Variants in GABRA4 observed in about 807,000 individuals in gnomAD.
GABRA4 encodes the protein gamma-aminobutyric acid type A receptor subunit alpha4, also known as gamma-aminobutyric acid receptor subunit alpha-4.
Under a neutral mutation model 49.7 loss-of-function variants are expected in GABRA4, and 12 were observed. The ratio of observed to expected loss-of-function variants is 0.24; its 90% confidence interval spans 0.15 to 0.39. The LOEUF (loss-of-function observed/expected upper bound fraction) is 0.39. Among genes scored for constraint, GABRA4 ranks in the 10% least tolerant of loss-of-function variants. GABRA4 has a pLI of 1.00. For missense variants in GABRA4, 506 were observed against 686.0 expected (o/e 0.74, Z 2.93); for synonymous variants, 288 against 240.2 (o/e 1.20, Z -1.84).
intron 8 of GABRA4, among the ~76,000 whole-genome samples, chr4:46,936,546 G>A (rs1306886105): frequency 6.6e-6 from 1 of 152,110 alleles, no homozygotes; most frequent in African/African-American, 2.4e-5. Flanking sequence ...CACAGCACCT[G>A]GCCAGATCAC....
intron 8 of GABRA4, among the ~76,000 whole-genome samples, chr4:46,955,275 C>T (rs1048190364): frequency 2.0e-5 from 3 of 152,046 alleles, no homozygotes; most frequent in Non-Finnish European, 4.4e-5. Context: ...ATATACATAG[C>T]CTTCTTAATG....
chr4:46,972,539 A>G (rs914313272), intron 6 of GABRA4, among the ~76,000 whole-genome samples: 1 of 151,542 alleles, frequency 6.6e-6, no homozygotes, highest in African/African-American at 2.4e-5. Context: ...TATCACCACA[A>G]TCTATGCCAC....
intron 3 of GABRA4, among the ~76,000 whole-genome samples, chr4:46,978,327 A>G (rs2109394525): frequency 6.6e-6 from 1 of 152,164 alleles, no homozygotes; most frequent in Admixed American, 6.6e-5. Flanking sequence ...ACTATAAAAT[A>G]GTGTACACGA....
rs1553903651 is a variant in GABRA4, at chr4:46,950,745, A to AATTAATTAATT, written c.1134+14224_1134+14225insAATTAATTAAT. ...TAAATAAATAAATAAATAAATAAATAAATTACTATATGCTTGTCCAGCTCT... is the reference window on the plus strand; with the variant it reads ...TAAATAAATAAATAAATAAATAAATAATTAATTAATTAATTACTATATGCTTGTCCAGCTCT... On this transcript the variant is annotated intron_variant, in intron 8 of 8. Coordinates refer to ENST00000264318, the MANE Select transcript of GABRA4 (RefSeq NM_000809.4). 3.2e-3 allele frequency among the ~76,000 whole-genome samples: 484 copies of AATTAATTAATT among 151,216 alleles called. 3 individuals carry two copies. Among genetic ancestry groups the AATTAATTAATT allele is most frequent in the South Asian group, 0.01 (48 of 4,790 alleles).
At chr4:46,941,805 C>T (rs1721807224) in intron 8 of GABRA4, among the ~76,000 whole-genome samples, 1 of 152,026 alleles carries the variant, frequency 6.6e-6, no homozygotes, top group Non-Finnish European at 1.5e-5. Context: ...TACCATCTTG[C>T]CCAGATCTGC....
At chr4:46,933,262 A>C (rs916186051) in intron 8 of GABRA4, among the ~76,000 whole-genome samples, 10 of 152,202 alleles carry the variant, frequency 6.6e-5, no homozygotes, top group Admixed American at 6.5e-4. Flanking sequence ...AATTGCATTA[A>C]AATGGATATC....
At chr4:46,975,579 G>A (rs778078569) in intron 5 of GABRA4, among the ~76,000 whole-genome samples, 7 of 151,832 alleles carry the variant, frequency 4.6e-5, no homozygotes, top group Non-Finnish European at 1.0e-4. Flanking sequence ...CTTACCTGCT[G>A]AGTATGGTGT....
chr4:46,993,111 G>A (rs1047240102), intron 1 of GABRA4, among the ~76,000 whole-genome samples, 165 bp from the exon 2 acceptor site: 3 of 152,154 alleles, frequency 2.0e-5, no homozygotes, highest in Non-Finnish European at 4.4e-5. Context: ...GTCAGGAAAA[G>A]CGCGCCCCGC....
chr4:46,991,360 TC>T (rs1363989711), intron 2 of GABRA4, among the ~76,000 whole-genome samples: 1 of 152,142 alleles, frequency 6.6e-6, no homozygotes, highest in East Asian at 1.9e-4. Context: ...AACCTCAGTG[TC>T]CCCATCTGTT....
intron 2 of GABRA4, among the ~76,000 whole-genome samples, chr4:46,982,397 A>G (rs1021569408): frequency 2.0e-5 from 3 of 152,106 alleles, no homozygotes; most frequent in Non-Finnish European, 4.4e-5. Context: ...ACACACACAC[A>G]TAGCAGAGAC....
chr4:46,974,184 A>T lies in GABRA4; in HGVS notation c.721+48T>A, dbSNP rs1269106495. ...AATGAAAAAGTCAGGAGAAAACTTT[A>T]TTGCTAACACCAAGTAGCATGTCGG... On this transcript the variant is annotated intron_variant, in intron 6 of 8. Coordinates refer to ENST00000264318, the MANE Select transcript of GABRA4 (RefSeq NM_000809.4). 2.6e-6 allele frequency: 4 copies of T among 1,542,362 alleles called. No homozygotes were observed. The East Asian group carries it at 6.9e-5, about 27-fold the overall frequency.
chr4:46,921,191 A>G lies in GABRA4; in HGVS notation c.*7034T>C, dbSNP rs761739346. 6.6e-6 allele frequency: 1 copy of G among 151,798 alleles called. No homozygotes were observed. The highest frequency in any genetic ancestry group is 1.5e-5 in the Non-Finnish European group (1 of 67,838). 9.4% of individuals were successfully genotyped at this position (151,798 alleles called of 1,614,324 possible). ...AGAAAAGCTATTAAGAAACCATAGC[A>G]TTTAAAAATTTTCCATTAAATGTAT... is the stretch of plus-strand genomic sequence containing the variant. On this transcript the variant is annotated 3_prime_UTR_variant, in exon 9 of 9. Transcript: ENST00000264318.
intron 7 of GABRA4, among the ~76,000 whole-genome samples, chr4:46,966,774 G>A (rs1468345426): frequency 6.6e-6 from 1 of 151,782 alleles, no homozygotes; most frequent in South Asian, 2.1e-4. Context: ...AAAGATCTGA[G>A]AATCCATACA....
intron 8 of GABRA4, among the ~76,000 whole-genome samples, chr4:46,953,971 G>A (rs1239986596): frequency 2.6e-5 from 4 of 152,042 alleles, no homozygotes; most frequent in Non-Finnish European, 4.4e-5. Flanking sequence ...TTACTTAACA[G>A]CTATGTAATT....
chr4:46,943,090 G>C (rs1184045973), intron 8 of GABRA4, among the ~76,000 whole-genome samples: 1 of 152,120 alleles, frequency 6.6e-6, no homozygotes, highest in Middle Eastern at 3.2e-3. Flanking sequence ...TAATAGGAGA[G>C]TAGAGACCAG....
rs748618274 is a variant in GABRA4 at position 46,921,776 on chromosome 4, A to G, written c.*6449T>C. 5.3e-5 allele frequency: 8 copies of G among 152,110 alleles called. No individual in the cohort carries two copies. The highest frequency in any genetic ancestry group is 1.2e-4 in the Non-Finnish European group (8 of 67,996). 9.4% of individuals were successfully genotyped at this position (152,110 alleles called of 1,614,324 possible). On this transcript the variant is annotated 3_prime_UTR_variant, in exon 9 of 9. Coordinates refer to ENST00000264318, the MANE Select transcript of GABRA4 (RefSeq NM_000809.4). ...CCACCTAAGACAGTCTCCAAAAATAACATAATGAAAAATTGAGAAAAAAAA... is the reference window on the plus strand; with the variant it reads ...CCACCTAAGACAGTCTCCAAAAATAGCATAATGAAAAATTGAGAAAAAAAA...
In GABRA4 at chr4:46,952,239, A is replaced by G. The variant is rs186108990; in HGVS notation, c.1134+12731T>C. Among the ~76,000 whole-genome samples, 17 of 152,200 alleles carry G rather than the reference A, an allele frequency of 1.1e-4. No individual in the cohort carries two copies. In the East Asian group the frequency reaches 3.3e-3, roughly 29 times the overall value. On this transcript the variant is annotated intron_variant, in intron 8 of 8. Coordinates refer to ENST00000264318, the MANE Select transcript of GABRA4 (RefSeq NM_000809.4). ...AGGAATATAGTCTTACAGAACAACT[A>G]AGAAGTTAAAAATTCAGGATTATTC...
chr4:46,978,970 C>T, intron 3 of GABRA4, 61 bp downstream of exon 3: 1 of 1,042,166 alleles, frequency 9.6e-7, no homozygotes, highest in Non-Finnish European at 1.5e-6. Flanking sequence ...TATTAATTGC[C>T]CTCTTTTCTA....
rs764544932 is a variant in GABRA4 at position 46,977,502 on chromosome 4, G to A, written c.402C>T (p.Phe134=). The A allele has an allele frequency of 1.9e-6, 3 of 1,611,832 alleles. No individual in the cohort carries two copies. The highest frequency in any genetic ancestry group is 2.5e-6 in the Non-Finnish European group (3 of 1,178,394). ...VTKVWTPDTF[F]RNGKKSVSHN... ...GTGAGACAGATTTCTTTCCATTCCT[G>A]AAGAAAGTATCAGGGGTCCACACTT... is the stretch of plus-strand genomic sequence containing the variant. Residue 134 remains phenylalanine (F), a synonymous_variant, in exon 4 of 9, where the codon TTC becomes TTT. Transcript: ENST00000264318.
Sources: allele counts gnomAD v4.1 joint callset (sites outside exome capture counted in the v4.1 genomes callset), GRCh38; gene constraint gnomAD v4.1.1; transcripts MANE v1.5; gene names NCBI Gene and HGNC (gene_info 2026-07-23, HGNC 2026-07-21).